CHN1: variants seen among roughly 807,000 people sequenced by gnomAD.
CHN1 encodes N-chimaerin.
Under a neutral mutation model 59.5 loss-of-function variants are expected in CHN1, and 37 were observed. The ratio of observed to expected loss-of-function variants is 0.62; its 90% CI spans 0.48 to 0.82. The LOEUF is 0.82. CHN1 is among the 40% of genes least tolerant of loss of function. The pLI is 0.00. For synonymous variants in CHN1, 206 were observed against 200.4 expected, an observed-to-expected ratio of 1.03 and a Z score of -0.24; for missense variants, 469 against 571.0, an observed-to-expected ratio of 0.82 and a Z score of 1.82.
At chr2:174,842,303 TACG>T (rs936575110) in intron 7 of CHN1, among the ~76,000 whole-genome samples, 2 of 152,212 alleles carry the variant, frequency 1.3e-5, no homozygotes, top group Admixed American at 6.5e-5. Flanking sequence ...TGTTTCTGAA[TACG>T]ACATTTCACT....
chr2:174,879,736 T>C (rs896099645), intron 5 of CHN1, among the ~76,000 whole-genome samples: 1 of 152,354 alleles, frequency 6.6e-6, no homozygotes, highest in African/African-American at 2.4e-5. Flanking sequence ...AGTCCCTTTA[T>C]ATTTCGGTTG....
intron 1 of CHN1, among the ~76,000 whole-genome samples, chr2:174,995,019 GA>G (rs1364748443): frequency 4.6e-5 from 7 of 152,016 alleles, no homozygotes; most frequent in Non-Finnish European, 7.4e-5. Flanking sequence ...AATAAAGGAA[GA>G]AAAAACATAA....
At chr2:174,822,978 A>G (rs1685551705) in intron 8 of CHN1, among the ~76,000 whole-genome samples, 1 of 152,196 alleles carries the variant, frequency 6.6e-6, no homozygotes, top group African/African-American at 2.4e-5. Flanking sequence ...ACCTTATTAC[A>G]TTTTAGTGAT....
rs1193250075 is a variant in CHN1 at position 175,004,712 on chromosome 2, A to AAACAATGGGAGAGGC, written c.19+167_19+181dup. ...CGCCCATCGGCCCTGCCGGGAGAGG[A>AAACAATGGGAGAGGC]AACAATGGGAGAGGCGCGAGGGAGC... On this transcript the variant is annotated intron_variant, in intron 1 of 12. Transcript: ENST00000409900. Among the ~76,000 whole-genome samples the AAACAATGGGAGAGGC allele has an allele frequency of 2.0e-5, 3 of 151,916 alleles. No individual in the cohort carries two copies. The East Asian group carries it at 5.8e-4, about 29-fold the overall frequency.
chr2:174,987,283 T>A (rs1267518722), intron 1 of CHN1, among the ~76,000 whole-genome samples: 1 of 152,146 alleles, frequency 6.6e-6, no homozygotes, highest in African/African-American at 2.4e-5. Context: ...TCAACTCTAG[T>A]ATGGTTTTAT....
Position 174,945,909 on chromosome 2 carries a change from CTG to C in CHN1, c.59-968_59-967del, listed in dbSNP as rs10691439. Among the ~76,000 whole-genome samples the C allele has an allele frequency of 2.7e-3, 397 of 149,624 alleles. 3 individuals carry two copies. The highest frequency in any genetic ancestry group is 0.01 in the East Asian group (53 of 5,092). ...GACTATACACACATACATAATTAGCCTGTGTGTGTGTGTGTGTGTGTGTATAT... is the reference window on the plus strand; with the variant it reads ...GACTATACACACATACATAATTAGCCTGTGTGTGTGTGTGTGTGTGTATAT... On this transcript the variant is annotated intron_variant, in intron 2 of 12. Transcript: ENST00000409900.
At chr2:174,924,078 T>C (rs934090451) in intron 3 of CHN1, among the ~76,000 whole-genome samples, 5 of 152,228 alleles carry the variant, frequency 3.3e-5, no homozygotes, top group African/African-American at 1.2e-4. Context: ...ATAAGAATTA[T>C]TTTAAACTGA....
chr2:174,923,689 G>A (rs2105379278), intron 3 of CHN1, among the ~76,000 whole-genome samples: 1 of 152,284 alleles, frequency 6.6e-6, no homozygotes, highest in South Asian at 2.1e-4. Flanking sequence ...TGCAAATGGT[G>A]TGGCAATCCA....
In CHN1 at chr2:174,918,542, A is replaced by G; in HGVS notation, c.138T>C (p.Tyr46=). 6.3e-7 allele frequency: 1 copy of G among 1,591,152 alleles called. No individual in the cohort carries two copies. Among genetic ancestry groups the G allele is most frequent in the Non-Finnish European group, 8.6e-7 (1 of 1,167,626 alleles). ...TAATAATCCATACTTACTCTCTTCCATAATACTTTGGTCTGTTTTCCACCT... is the reference window on the plus strand; with the variant it reads ...TAATAATCCATACTTACTCTCTTCCGTAATACTTTGGTCTGTTTTCCACCT... ...TCEVENRPKY[Y]GREFHGMISR... The change falls in exon 4 of 13, where the codon TAT becomes TAC. Residue 46 remains tyrosine, a synonymous_variant. Coordinates refer to ENST00000409900, the MANE Select transcript of CHN1 (RefSeq NM_001822.7).
intron 6 of CHN1, among the ~76,000 whole-genome samples, chr2:174,869,676 C>A (rs1323491499): frequency 2.0e-5 from 3 of 152,088 alleles, no homozygotes; most frequent in South Asian, 2.1e-4. Flanking sequence ...AAAAAGTTAT[C>A]TTTTTAAAAA....
intron 3 of CHN1, among the ~76,000 whole-genome samples, chr2:174,936,397 A>G (rs1186418752): frequency 6.6e-6 from 1 of 152,196 alleles, no homozygotes; most frequent in Non-Finnish European, 1.5e-5. Flanking sequence ...AGCTTCTCTC[A>G]TATCTCTATC....
intron 5 of CHN1, among the ~76,000 whole-genome samples, chr2:174,885,014 G>A (rs561058167): frequency 6.1e-4 from 92 of 151,994 alleles, no homozygotes; most frequent in African/African-American, 2.1e-3. Context: ...TTAGCCGGGC[G>A]CGGTGGCTCA....
intron 3 of CHN1, among the ~76,000 whole-genome samples, chr2:174,935,202 C>G (rs1232719731): frequency 1.3e-5 from 2 of 152,224 alleles, no homozygotes; most frequent in African/African-American, 4.8e-5. Flanking sequence ...ACTACCAACT[C>G]TGCGCTTCTG....
At chr2:174,978,918 C>G (rs904738146) in intron 1 of CHN1, among the ~76,000 whole-genome samples, 4 of 152,178 alleles carry the variant, frequency 2.6e-5, no homozygotes, top group Non-Finnish European at 5.9e-5. Context: ...CACCATCAAT[C>G]AGATAAAATC....
chr2:174,904,079 A>T (rs55898929), intron 5 of CHN1, among the ~76,000 whole-genome samples: 49,244 of 151,500 alleles, frequency 0.33, 9,328 homozygotes, highest in Admixed American at 0.46. Context: ...CCTGACCAAC[A>T]TGGAGAAACC....
intron 5 of CHN1, among the ~76,000 whole-genome samples, chr2:174,902,008 G>A (rs1225934912): frequency 1.3e-5 from 2 of 152,238 alleles, no homozygotes; most frequent in East Asian, 3.9e-4. Context: ...AGTGTACCTT[G>A]TATAAAGTCA....
chr2:174,909,832 A>G (rs1421605943), intron 5 of CHN1, among the ~76,000 whole-genome samples: 3 of 152,228 alleles, frequency 2.0e-5, no homozygotes, highest in African/African-American at 7.2e-5. Context: ...TGGATAAAGA[A>G]TATGATTCTT....
intron 8 of CHN1, among the ~76,000 whole-genome samples, chr2:174,818,506 A>G (rs1046044643): frequency 1.3e-5 from 2 of 152,188 alleles, no homozygotes; most frequent in Admixed American, 6.5e-5. Context: ...TAACTCTTAT[A>G]TAGTTCCATT....
chr2:174,894,030 G>T (rs1170692638), intron 5 of CHN1, among the ~76,000 whole-genome samples: 1 of 152,002 alleles, frequency 6.6e-6, no homozygotes, highest in Admixed American at 6.6e-5. Flanking sequence ...AAAACATAGG[G>T]GAAAAACATC....
Sources: allele counts gnomAD v4.1 joint callset (sites outside exome capture counted in the v4.1 genomes callset), GRCh38; gene constraint gnomAD v4.1.1; transcripts MANE v1.5; gene names NCBI Gene and HGNC (gene_info 2026-07-23, HGNC 2026-07-21).